NALCN: variants seen among roughly 807,000 people sequenced by gnomAD.
NALCN encodes sodium leak channel NALCN.
Under a neutral mutation model 225.3 loss-of-function variants are expected in NALCN, and 111 were observed. The observed-to-expected ratio is 0.49, with a 90% CI of 0.42 to 0.58. The LOEUF is 0.58. Among genes scored for constraint, NALCN ranks in the 20% least tolerant of loss-of-function variants. The pLI, the probability that NALCN is intolerant of heterozygous loss-of-function variation, is 0.00. For missense variants in NALCN, 1,378 were observed against 2,202.4 expected (o/e 0.63, Z 7.49); for synonymous variants, 764 against 769.0 (o/e 0.99, Z 0.11).
intron 7 of NALCN, among the ~76,000 whole-genome samples, chr13:101,332,820 C>CA (rs759404788): frequency 6.6e-6 from 1 of 151,824 alleles, no homozygotes; most frequent in Non-Finnish European, 1.5e-5. Context: ...GTGGAGTGCT[C>CA]ACGCTTCACT....
At chr13:101,404,372 T>C (rs1023738246) in intron 1 of NALCN, among the ~76,000 whole-genome samples, 2 of 152,230 alleles carry the variant, frequency 1.3e-5, no homozygotes, top group African/African-American at 4.8e-5. Flanking sequence ...AGAAAATAAT[T>C]CTATTCTTAT....
At chr13:101,068,122 A>ATGT in intron 38 of NALCN, 89 bp from the exon 39 acceptor site, 2 of 819,332 alleles carry the variant, frequency 2.4e-6, no homozygotes, top group Non-Finnish European at 3.8e-6. Context: ...TTAATAATGG[A>ATGT]TTCTATCACC....
rs901294524 is a variant in NALCN at position 101,118,380 on chromosome 13, T to C, written c.2192+6228A>G. 2.0e-5 allele frequency among the ~76,000 whole-genome samples: 3 copies of C among 152,318 alleles called. 1 individual carries two copies. The highest frequency in any genetic ancestry group is 1.3e-4 in the Admixed American group (2 of 15,290). ...TAAATCATATGCTATCTCAATAAAA[T>C]ATAACATATTTTGATTACCGCAAAT... On this transcript the variant is annotated intron_variant, in intron 18 of 43. Transcript: ENST00000251127.
chr13:101,166,614 T>C (rs917726088), intron 15 of NALCN, among the ~76,000 whole-genome samples: 1 of 152,200 alleles, frequency 6.6e-6, no homozygotes, highest in African/African-American at 2.4e-5. Flanking sequence ...ATAGGAGCTC[T>C]TTCATATTCT....
intron 1 of NALCN, among the ~76,000 whole-genome samples, chr13:101,414,277 A>C (rs766503254): frequency 2.2e-4 from 33 of 152,306 alleles, no homozygotes; most frequent in Admixed American, 3.3e-4. Context: ...CCACCTGCTT[A>C]CATATTTGTC....
chr13:101,191,982 C>T lies in NALCN; in HGVS notation c.1699G>A (p.Val567Met). Residue 567 changes from valine (V) to methionine (M), a missense_variant, in exon 14 of 44, where the codon GTG becomes ATG. Coordinates refer to ENST00000251127, the MANE Select transcript of NALCN (RefSeq NM_052867.4). ...VDVMDQTLNA[V>M]GHMWAPVVAI... ...ACCACGGGTGCCCACATATGTCCCA[C>T]AGCATTTAGAGTTTGGTCCATTACG... 6.2e-7 allele frequency: 1 copy of T among 1,604,376 alleles called. No individual in the cohort carries two copies. Among genetic ancestry groups the T allele is most frequent in the Non-Finnish European group, 8.5e-7 (1 of 1,176,924 alleles).
intron 11 of NALCN, among the ~76,000 whole-genome samples, chr13:101,256,159 T>C (rs1346969853): frequency 6.6e-6 from 1 of 152,188 alleles, no homozygotes; most frequent in Non-Finnish European, 1.5e-5. Flanking sequence ...CTAGATTTTA[T>C]ATTTCATTAC....
intron 13 of NALCN, among the ~76,000 whole-genome samples, chr13:101,192,449 A>T (rs1395206578): frequency 6.6e-6 from 1 of 152,062 alleles, no homozygotes; most frequent in East Asian, 1.9e-4. Flanking sequence ...AGTGAATTAC[A>T]CTTGTCTAAG....
chr13:101,145,953 A>G (rs1476918243), intron 15 of NALCN, among the ~76,000 whole-genome samples: 1 of 152,186 alleles, frequency 6.6e-6, no homozygotes, highest in Non-Finnish European at 1.5e-5. Flanking sequence ...GGAATTATGG[A>G]AAGATAAGAA....
At chr13:101,410,274 T>C (rs1368536032) in intron 1 of NALCN, among the ~76,000 whole-genome samples, 3 of 152,198 alleles carry the variant, frequency 2.0e-5, no homozygotes, top group Admixed American at 6.5e-5. Context: ...AGGTGATCCC[T>C]GCACACCTCT....
intron 11 of NALCN, among the ~76,000 whole-genome samples, chr13:101,246,765 A>T (rs1333760): frequency 0.25 from 38,353 of 152,098 alleles, 5,095 homozygotes; most frequent in East Asian, 0.38. Context: ...CATTTGGCCA[A>T]TTTTTATGAT....
chr13:101,094,995 T>C (rs11616973), intron 28 of NALCN, among the ~76,000 whole-genome samples: 1 of 152,172 alleles, frequency 6.6e-6, no homozygotes, highest in Non-Finnish European at 1.5e-5. Flanking sequence ...TGGTCATTAA[T>C]AAAATAAGAA....
chr13:101,142,046 T>C lies in NALCN; in HGVS notation c.2118+1034A>G, dbSNP rs147000144. 7.9e-5 allele frequency among the ~76,000 whole-genome samples: 12 copies of C among 152,074 alleles called. No individual in the cohort carries two copies. The East Asian group carries it at 1.7e-3, about 22-fold the overall frequency. On this transcript the variant is annotated intron_variant, in intron 17 of 43. Transcript: ENST00000251127. ...AGCTGATATATATAGTTTGATACTA[T>C]GCATACATATATACACACATATACA... is the stretch of plus-strand genomic sequence containing the variant.
intron 13 of NALCN, among the ~76,000 whole-genome samples, chr13:101,194,936 G>A (rs967760308): frequency 4.6e-5 from 7 of 152,108 alleles, no homozygotes; most frequent in Non-Finnish European, 8.8e-5. Flanking sequence ...CCTGGGAGGC[G>A]GAGGTTTCAG....
At chr13:101,356,725 C>T (rs965825063) in intron 6 of NALCN, among the ~76,000 whole-genome samples, 9 of 152,188 alleles carry the variant, frequency 5.9e-5, no homozygotes, top group Non-Finnish European at 5.9e-5. Context: ...GGCAGAGACA[C>T]AACAACAACA....
intron 3 of NALCN, among the ~76,000 whole-genome samples, chr13:101,386,668 C>T (rs9557633): frequency 6.6e-6 from 1 of 152,112 alleles, no homozygotes; most frequent in East Asian, 1.9e-4. Context: ...TAGGAAGCCA[C>T]AGCTTTGACA....
intron 20 of NALCN, among the ~76,000 whole-genome samples, chr13:101,109,918 C>A (rs1353049150): frequency 2.0e-5 from 3 of 152,098 alleles, no homozygotes; most frequent in Admixed American, 6.5e-5. Flanking sequence ...GCAAATCTGT[C>A]ACAGTAATGA....
At chr13:101,241,567 C>T (rs201220422) in intron 11 of NALCN, among the ~76,000 whole-genome samples, 2 of 152,142 alleles carry the variant, frequency 1.3e-5, no homozygotes, top group East Asian at 3.9e-4. Flanking sequence ...CTCAGCCTCC[C>T]GAGTAGCTGG....
intron 6 of NALCN, among the ~76,000 whole-genome samples, chr13:101,374,809 T>A (rs1265015768): frequency 6.6e-6 from 1 of 152,124 alleles, no homozygotes; most frequent in Non-Finnish European, 1.5e-5. Flanking sequence ...CTTTTTGGAG[T>A]TGACATTCTT....
Sources: gnomAD v4.1 joint callset for allele counts (sites outside exome capture counted in the v4.1 genomes callset) on GRCh38, gnomAD v4.1.1 for gene constraint, MANE v1.5 for transcripts, NCBI Gene and HGNC (gene_info 2026-07-23, HGNC 2026-07-21) for gene names.